MUC17: variants seen among roughly 807,000 people sequenced by gnomAD.
MUC17 encodes mucin 17, cell surface associated.
Under a neutral mutation model 170.3 loss-of-function variants are expected in MUC17, and 190 were observed. The observed-to-expected ratio is 1.12, with a 90% confidence interval of 0.99 to 1.26. The LOEUF (loss-of-function observed/expected upper bound fraction) is 1.26, where lower values mean the gene tolerates loss of function less well. MUC17 is among the 50% of genes most tolerant of loss of function. The pLI is 0.00. For synonymous variants in MUC17, 2,325 were observed against 2,002.5 expected (o/e 1.16, Z -4.30); for missense variants, 6,415 against 5,530.0 (o/e 1.16, Z -5.08).
At chr7:101,052,916 A>G in intron 9 of MUC17, 70 bp from the exon 10 acceptor site, 7 of 1,497,660 alleles carry the variant, frequency 4.7e-6, no homozygotes, top group Non-Finnish European at 6.4e-6. Flanking sequence ...CCCACTGGGC[A>G]GGGCCCAGGT....
In MUC17 at chr7:101,037,119, T is replaced by C; in HGVS notation, c.5703T>C (p.Tyr1901=). ...TCACCAGCACACCTGTGACCACTTA[T>C]GCTCAAGTCAGTTCATCTCCTACAA... ...PAVTSTPVTT[Y]AQVSSSPTTA... The change falls in exon 3 of 13, where the codon TAT becomes TAC. Residue 1901 remains tyrosine (Y), a synonymous_variant. Coordinates refer to ENST00000306151, the MANE Select transcript of MUC17 (RefSeq NM_001040105.2). 1 of 1,587,104 alleles carries C rather than the reference T, an allele frequency of 6.3e-7. No homozygotes were observed. The highest frequency in any genetic ancestry group is 1.2e-5 in the South Asian group (1 of 81,870).
At chr7:101,020,300 G>C (rs1174364942) in intron 1 of MUC17, 83 bp downstream of exon 1, 7 of 1,228,854 alleles carry the variant, frequency 5.7e-6, no homozygotes, top group Non-Finnish European at 6.8e-6. Context: ...CCGAGGGAGA[G>C]CTGCCTCCAG....
At chr7:101,052,730 C>G (rs1794971852) in intron 9 of MUC17, among the ~76,000 whole-genome samples, 1 of 152,044 alleles carries the variant, frequency 6.6e-6, no homozygotes, top group African/African-American at 2.4e-5. Flanking sequence ...CAGGGTTGGG[C>G]CAACCGTCCT....
At position 101,042,868 on chromosome 7, in the gene MUC17, A is replaced by G; in HGVS notation, c.11452A>G (p.Thr3818Ala). Residue 3818 changes from threonine to alanine, a missense_variant, in exon 3 of 13, where the codon ACT (threonine) becomes GCT (alanine). Thr to Ala is a moderately conservative substitution (Grantham distance 58, BLOSUM62 0). Transcript: ENST00000306151. ...GAGTGAAAGAAGCACTTTATTGACA[A>G]CTGTCCTCATCAGCCCTATATCTGT... ...TTSERSTLLT[T>A]VLISPISVMS... 1.9e-6 allele frequency: 3 copies of G among 1,614,106 alleles called. No homozygotes were observed. The highest frequency in any genetic ancestry group is 2.5e-6 in the Non-Finnish European group (3 of 1,180,012).
intron 1 of MUC17, among the ~76,000 whole-genome samples, chr7:101,028,914 G>A (rs770075040): frequency 2.6e-5 from 4 of 151,248 alleles, no homozygotes; most frequent in South Asian, 4.2e-4. Flanking sequence ...AAGTCCGGAC[G>A]TGGTGGTTCA....
At position 101,039,983 on chromosome 7, in the gene MUC17, G is replaced by T. The variant is rs773965943; in HGVS notation, c.8567G>T (p.Gly2856Val). The change falls in exon 3 of 13, where the codon GGT becomes GTT. Residue 2856 changes from glycine (G) to valine (V), a missense_variant. Physicochemically the swap from Gly to Val is moderately radical, Grantham distance 109. Coordinates refer to ENST00000306151, the MANE Select transcript of MUC17 (RefSeq NM_001040105.2). The stretch of plus-strand genomic sequence containing the variant: ...AGTTCATCTCCTACAACTGCTGAAG[G>T]TATCGTCGTGCCAATCTCAACTGCT... Reference protein sequence around the residue: ...KASSSPTTAEGIVVPISTASE... With the variant: ...KASSSPTTAEVIVVPISTASE... 3.7e-6 allele frequency: 6 copies of T among 1,611,856 alleles called. No homozygotes were observed. The highest frequency in any genetic ancestry group is 4.2e-6 in the Non-Finnish European group (5 of 1,179,484).
chr7:101,032,317 G>C lies in MUC17; in HGVS notation c.901G>C (p.Ala301Pro), dbSNP rs1457892593. ...EASTLSTTPA[A>P]TNIPVITSTE... ...TAGCACCCTTTCAACAACTCCTGCT[G>C]CCACCAACATTCCTGTGATCACTTC... Residue 301 changes from alanine (A) to proline (P), a missense_variant, in exon 3 of 13, where the codon GCC becomes CCC. Coordinates refer to ENST00000306151, the MANE Select transcript of MUC17 (RefSeq NM_001040105.2). 1.9e-6 allele frequency: 3 copies of C among 1,613,876 alleles called. No homozygotes were observed. Among genetic ancestry groups the C allele is most frequent in the Non-Finnish European group, 2.5e-6 (3 of 1,179,924 alleles).
rs757209136 is a variant in MUC17 at position 101,056,202 on chromosome 7, T to A, written c.13372T>A (p.Ser4458Thr). The A allele has an allele frequency of 3.7e-6, 6 of 1,613,942 alleles. No homozygotes were observed. The highest frequency in any genetic ancestry group is 5.1e-6 in the Non-Finnish European group (6 of 1,179,890). ...TTCCATCCCTCCACAAGATGATGAT[T>A]CCATCCACCTGGAGTCCATCTATAG... is the stretch of plus-strand genomic sequence containing the variant. ...IGFDICQDDD[S>T]IHLESIYSNF... Residue 4458 changes from serine to threonine, a missense_variant, in exon 12 of 13, where the codon TCC becomes ACC. Ser to Thr is a moderately conservative substitution (Grantham distance 58). Coordinates refer to ENST00000306151, the MANE Select transcript of MUC17 (RefSeq NM_001040105.2).
chr7:101,028,562 T>G (rs898080610), intron 1 of MUC17, among the ~76,000 whole-genome samples: 5 of 152,124 alleles, frequency 3.3e-5, no homozygotes, highest in Non-Finnish European at 7.3e-5. Flanking sequence ...TATTGGATTA[T>G]TGCACATATG....
Position 101,020,144 on chromosome 7 carries a change from G to A in MUC17, c.9G>A (p.Arg3=). 1.2e-6 allele frequency: 2 copies of A among 1,604,814 alleles called. No individual in the cohort carries two copies. Among genetic ancestry groups the A allele is most frequent in the Non-Finnish European group, 8.5e-7 (1 of 1,175,620 alleles). The change falls in exon 1 of 13, where the codon AGG becomes AGA. Residue 3 remains arginine (R), a synonymous_variant. Transcript: ENST00000306151. ...ACGTGCTCAGAGCTCCGATGCCAAGGCCAGGGACCATGGCGCTGTGTCTGC... is the reference window on the plus strand; with the variant it reads ...ACGTGCTCAGAGCTCCGATGCCAAGACCAGGGACCATGGCGCTGTGTCTGC... MP[R]PGTMALCLLT... is the part of the protein sequence containing the mutation.
In MUC17 at chr7:101,042,657, G is replaced by T. The variant is rs1200214531; in HGVS notation, c.11241G>T (p.Met3747Ile). The T allele has an allele frequency of 6.2e-7, 1 of 1,613,916 alleles. No individual in the cohort carries two copies. The highest frequency in any genetic ancestry group is 8.5e-7 in the Non-Finnish European group (1 of 1,180,014). Residue 3747 changes from methionine to isoleucine, a missense_variant, in exon 3 of 13, where the codon ATG (methionine) becomes ATT (isoleucine). Coordinates refer to ENST00000306151, the MANE Select transcript of MUC17 (RefSeq NM_001040105.2). ...TLDSTTMSVSMPMEISTLGTT... is the reference protein window; with the variant it reads ...TLDSTTMSVSIPMEISTLGTT... ...ACAGCACCACCATGTCTGTGTCAAT[G>T]CCCATGGAAATAAGCACCCTTGGGA...
At position 101,035,745 on chromosome 7, in the gene MUC17, C is replaced by T; in HGVS notation, c.4329C>T (p.Ile1443=). The part of the protein sequence containing the change: ...ATSSPTTAEG[I]SIPTSTPSEG... ...CATCTCCTACAACTGCTGAAGGTAT[C>T]AGCATACCAACCTCAACTCCTAGTG... The change falls in exon 3 of 13, where the codon ATC becomes ATT. Residue 1443 remains isoleucine, a synonymous_variant. Transcript: ENST00000306151. The T allele has an allele frequency of 6.2e-7, 1 of 1,610,984 alleles. No homozygotes were observed. Among genetic ancestry groups the T allele is most frequent in the South Asian group, 1.1e-5 (1 of 90,726 alleles).
chr7:101,031,198 A>G lies in MUC17; in HGVS notation c.161A>G (p.Gln54Arg), dbSNP rs1420474264. The part of the protein sequence containing the change: ...QGDVLNRQCQ[Q>R]LSQHVRTGSA... ...GACGTCTTGAACCGTCAGTGCCAGC[A>G]GCTGTCTCAGCACGTTAGGACAGGT... The change falls in exon 2 of 13, where the codon CAG (glutamine) becomes CGG (arginine). Residue 54 changes from glutamine (Q) to arginine (R), a missense_variant. Physicochemically the swap from Gln to Arg is conservative, Grantham distance 43 (BLOSUM62 1). Transcript: ENST00000306151. 3 of 1,613,616 alleles carry G rather than the reference A, an allele frequency of 1.9e-6. No individual in the cohort carries two copies. Among genetic ancestry groups the G allele is most frequent in the Non-Finnish European group, 2.5e-6 (3 of 1,179,840 alleles).
intron 1 of MUC17, among the ~76,000 whole-genome samples, chr7:101,030,132 G>A (rs1422048512): frequency 6.6e-6 from 1 of 151,536 alleles, no homozygotes; most frequent in Non-Finnish European, 1.5e-5. Context: ...TCTCTTAAAT[G>A]TTTTAACAGT....
intron 10 of MUC17, 67 bp from the exon 11 acceptor site, chr7:101,053,272 G>C: frequency 6.3e-7 from 1 of 1,583,578 alleles, no homozygotes; most frequent in Non-Finnish European, 8.7e-7. Flanking sequence ...TGGGGATACA[G>C]CTTGTCCCTG....
rs757686217 is a variant in MUC17 at position 101,036,023 on chromosome 7, C to G, written c.4607C>G (p.Thr1536Arg). Reference protein sequence around the residue: ...VASSEINSLSTTPAVTSTPVT... With the variant: ...VASSEINSLSRTPAVTSTPVT... ...AGTTCTGAAATCAACAGCCTTTCAACAACTCCTGCTGTCACCAGCACACCT... is the reference window on the plus strand; with the variant it reads ...AGTTCTGAAATCAACAGCCTTTCAAGAACTCCTGCTGTCACCAGCACACCT... The change falls in exon 3 of 13, where the codon ACA (threonine) becomes AGA (arginine). Residue 1536 changes from threonine (T) to arginine (R), a missense_variant. Transcript: ENST00000306151. 9 of 1,611,908 alleles carry G rather than the reference C, an allele frequency of 5.6e-6. No homozygotes were observed. The highest frequency in any genetic ancestry group is 7.6e-6 in the Non-Finnish European group (9 of 1,178,766).
Position 101,053,440 on chromosome 7 carries a change from T to C in MUC17, c.13363+4T>C. 1 of 1,612,518 alleles carries C rather than the reference T, an allele frequency of 6.2e-7. No homozygotes were observed. Among genetic ancestry groups the C allele is most frequent in the Middle Eastern group, 1.7e-4 (1 of 6,058 alleles). On this transcript the variant is annotated splice_donor_region_variant and intron_variant, in intron 11 of 12. Transcript: ENST00000306151. ...ATTGGCTTTGACATCTGCCAAGGTA[T>C]TGGCCTTCCTCTCTGAACTCAGAAT...
rs1313168156 is a variant in MUC17, at chr7:101,042,898, A to G, written c.11482A>G (p.Ser3828Gly). 11 of 1,613,992 alleles carry G rather than the reference A, an allele frequency of 6.8e-6. No homozygotes were observed. Among genetic ancestry groups the G allele is most frequent in the African/African-American group, 1.3e-5 (1 of 74,902 alleles). ...CCTCATCAGCCCTATATCTGTGATGAGTCCTTCTGAGGCCAGCACACTTTC... is the reference window on the plus strand; with the variant it reads ...CCTCATCAGCCCTATATCTGTGATGGGTCCTTCTGAGGCCAGCACACTTTC... ...TVLISPISVM[S>G]PSEASTLSTP... The change falls in exon 3 of 13, where the codon AGT becomes GGT. Residue 3828 changes from serine (S) to glycine (G), a missense_variant. Ser to Gly is a moderately conservative substitution (Grantham distance 56, BLOSUM62 0). Coordinates refer to ENST00000306151, the MANE Select transcript of MUC17 (RefSeq NM_001040105.2).
Position 101,037,015 on chromosome 7 carries a change from A to C in MUC17, c.5599A>C (p.Thr1867Pro), listed in dbSNP as rs201970250. ...AACCTCAACGCCTAGTGAAGGAAGC[A>C]CTGCATTAACAAGTATACCTGTCAG... ...IATSTPSEGS[T>P]ALTSIPVSTT... Residue 1867 changes from threonine to proline, a missense_variant, in exon 3 of 13, where the codon ACT becomes CCT. Physicochemically the swap from Thr to Pro is conservative, Grantham distance 38. Transcript: ENST00000306151. 1.9e-4 allele frequency: 288 copies of C among 1,537,484 alleles called. 8 individuals carry two copies. In the East Asian group the frequency reaches 2.6e-3, roughly 14 times the overall value.
Sources: allele counts gnomAD v4.1 joint callset (sites outside exome capture counted in the v4.1 genomes callset), GRCh38; gene constraint gnomAD v4.1.1; transcripts MANE v1.5; gene names NCBI Gene and HGNC (gene_info 2026-07-23, HGNC 2026-07-21).